Variants in NOP16 observed in about 807,000 individuals in gnomAD.
NOP16 encodes the protein nucleolar protein 16.
In NOP16, 14 loss-of-function variants were observed where a neutral mutation model predicts 22.7. The observed-to-expected ratio is 0.62, with a 90% CI of 0.41 to 0.97. The LOEUF (loss-of-function observed/expected upper bound fraction) is 0.97, where lower values mean the gene tolerates loss of function less well. Ranked by LOEUF, NOP16 falls within the 50% of genes least tolerant of loss-of-function variation. NOP16 has a pLI of 0.00. For synonymous variants in NOP16, 80 were observed against 83.6 expected (o/e 0.96, Z 0.23); for missense variants, 198 against 235.9 (o/e 0.84, Z 1.05).
rs753204257 is a variant in NOP16, at chr5:176,384,048, G to A, written c.*183C>T. ...TGAACCCCCAGATGAATATAAATTG[G>A]AGCCTCTGAGAACAGTTCCTTCCCC... On this transcript the variant is annotated 3_prime_UTR_variant, in exon 5 of 5. Coordinates refer to ENST00000614830, the MANE Select transcript of NOP16 (RefSeq NM_016391.8). The A allele has an allele frequency of 6.3e-5, 97 of 1,549,032 alleles. No homozygotes were observed. Among genetic ancestry groups the A allele is most frequent in the Admixed American group, 1.7e-4 (9 of 51,994 alleles).
intron 4 of NOP16, chr5:176,384,590 C>T (rs1453157513): frequency 5.2e-6 from 3 of 573,606 alleles, no homozygotes; most frequent in Non-Finnish European, 9.2e-6. Context: ...AGTTCCAGGC[C>T]ACCCTGGGCA....
intron 3 of NOP16, 55 bp from the exon 4 acceptor site, chr5:176,385,382 C>T (rs1755760187): frequency 2.8e-6 from 3 of 1,083,266 alleles, no homozygotes; most frequent in Middle Eastern, 4.2e-4. Context: ...TTTCTGTGCT[C>T]TTTGAGCTGT....
At chr5:176,387,236 T>C (rs1755933936) in intron 2 of NOP16, among the ~76,000 whole-genome samples, 1 of 151,796 alleles carries the variant, frequency 6.6e-6, no homozygotes, top group South Asian at 2.1e-4. Context: ...TGCGCCACCA[T>C]GCCCAGCTAA....
At chr5:176,384,726 C>T (rs1755697011) in intron 4 of NOP16, 2 of 367,248 alleles carry the variant, frequency 5.4e-6, no homozygotes, top group South Asian at 4.5e-5. Flanking sequence ...GCCATGATCA[C>T]ACCACTGAAC....
intron 4 of NOP16, 176 bp from the exon 5 acceptor site, chr5:176,384,550 G>A: frequency 3.1e-6 from 2 of 636,722 alleles, no homozygotes; most frequent in Non-Finnish European, 5.3e-6. Context: ...ACTCTGGGAG[G>A]CCGAGGTGGG....
chr5:176,388,308 G>A lies in NOP16; in HGVS notation c.143C>T (p.Ser48Leu). ...HIRHAWDHAK[S>L]VRQNLAEMGL... The stretch of plus-strand genomic sequence containing the variant: ...CATCTCGGCCAGGTTCTGCCGTACC[G>A]ATTTAGCGTGGTCCCAGGCATGTCG... The change falls in exon 2 of 5, where the codon TCG (serine) becomes TTG (leucine). Residue 48 changes from serine to leucine, a missense_variant. By Grantham distance (145) the Ser-to-Leu change is moderately radical (BLOSUM62 -2). Transcript: ENST00000614830. The A allele has an allele frequency of 1.2e-6, 2 of 1,614,206 alleles. No homozygotes were observed. Among genetic ancestry groups the A allele is most frequent in the South Asian group, 1.1e-5 (1 of 91,082 alleles).
intron 3 of NOP16, chr5:176,386,534 T>G: frequency 2.3e-6 from 1 of 431,474 alleles, no homozygotes; most frequent in Non-Finnish European, 4.4e-6. Context: ...CAGTTCATCC[T>G]TAAATTCATG....
chr5:176,386,767 G>C (rs1167351823), intron 3 of NOP16, 73 bp downstream of exon 3: 2 of 1,317,716 alleles, frequency 1.5e-6, no homozygotes, highest in East Asian at 4.6e-5. Context: ...GCAAAATGAG[G>C]ACATCTTAGG....
rs753195141 is a variant in NOP16, at chr5:176,383,958, G to T, written c.*273C>A. 26 of 1,497,296 alleles carry T rather than the reference G, an allele frequency of 1.7e-5. No homozygotes were observed. The South Asian group carries it at 2.4e-4, about 14-fold the overall frequency. 92.8% of individuals were successfully genotyped at this position (1,497,296 alleles called of 1,614,324 possible). Reference sequence around the variant, plus strand: ...ATCATCAGAGAAGTAAAATATATTTGCTTTATTATGTACACACTATATTTA... The same window carrying T: ...ATCATCAGAGAAGTAAAATATATTTTCTTTATTATGTACACACTATATTTA... On this transcript the variant is annotated 3_prime_UTR_variant, in exon 5 of 5. Transcript: ENST00000614830.
Position 176,388,569 on chromosome 5 carries a change from C to G in NOP16, c.-30G>C. 6.4e-7 allele frequency: 1 copy of G among 1,573,916 alleles called. No individual in the cohort carries two copies. The highest frequency in any genetic ancestry group is 8.7e-7 in the Non-Finnish European group (1 of 1,146,654). ...CTGACCACCGCACCAGCAGCTCAAA[C>G]ACGCTGCCTCTGTCTCTCAGACCTC... On this transcript the variant is annotated 5_prime_UTR_variant, in exon 1 of 5. Coordinates refer to ENST00000614830, the MANE Select transcript of NOP16 (RefSeq NM_016391.8).
rs747142390 is a variant in NOP16, at chr5:176,385,159, G to GA, written c.393+61dup. ...TCAGGAAACAGGTGCTGCGCAAGCA[G>GA]ATCAAGCCGCGAATGGTCCAGGGCG... On this transcript the variant is annotated intron_variant, in intron 4 of 4. Coordinates refer to ENST00000614830, the MANE Select transcript of NOP16 (RefSeq NM_016391.8). 7.4e-5 allele frequency: 68 copies of GA among 912,898 alleles called. No individual in the cohort carries two copies. In the African/African-American group the frequency reaches 8.6e-4, roughly 12 times the overall value. 56.5% of individuals were successfully genotyped at this position (912,898 alleles called of 1,614,324 possible).
chr5:176,386,684 C>G (rs185917639), intron 3 of NOP16, 156 bp downstream of exon 3: 53 of 737,914 alleles, frequency 7.2e-5, no homozygotes, highest in African/African-American at 6.7e-4. Flanking sequence ...AATGAGCCAG[C>G]CAGGACACAG....
Position 176,383,951 on chromosome 5 carries a change from T to C in NOP16, c.*280A>G, listed in dbSNP as rs1025215430. ...ATACAAAATCATCAGAGAAGTAAAA[T>C]ATATTTGCTTTATTATGTACACACT... On this transcript the variant is annotated 3_prime_UTR_variant, in exon 5 of 5. Coordinates refer to ENST00000614830, the MANE Select transcript of NOP16 (RefSeq NM_016391.8). 1 of 1,489,114 alleles carries C rather than the reference T, an allele frequency of 6.7e-7. No homozygotes were observed. The highest frequency in any genetic ancestry group is 1.4e-5 in the African/African-American group (1 of 70,726). The allele number at this position is 1,489,114 out of a possible 1,614,324, so 92.2% of individuals were successfully genotyped here. A position where few individuals can be genotyped will look rare whatever the true frequency, so the allele number is the denominator to read the frequency against.
chr5:176,387,079 T>C, intron 2 of NOP16, 170 bp from the exon 3 acceptor site: 1 of 303,352 alleles, frequency 3.3e-6, no homozygotes, highest in East Asian at 5.9e-5. Flanking sequence ...TCTCTCTCTC[T>C]TTTTTTTTTT....
rs1244571603 is a variant in NOP16 at position 176,388,577 on chromosome 5, CTCTG to C, written c.-42_-39del. The C allele has an allele frequency of 6.4e-7, 1 of 1,560,192 alleles. No individual in the cohort carries two copies. The highest frequency in any genetic ancestry group is 1.4e-5 in the African/African-American group (1 of 74,034). On this transcript the variant is annotated 5_prime_UTR_variant, in exon 1 of 5. Transcript: ENST00000614830. ...CGCACCAGCAGCTCAAACACGCTGC[CTCTG>C]TCTCTCAGACCTCGTGTAACAAACT...
chr5:176,386,890 T>G lies in NOP16; in HGVS notation c.236A>C (p.Asp79Ala). The G allele has an allele frequency of 6.2e-7, 1 of 1,614,094 alleles. No individual in the cohort carries two copies. The highest frequency in any genetic ancestry group is 8.5e-7 in the Non-Finnish European group (1 of 1,179,972). Residue 79 changes from aspartate to alanine, a missense_variant, in exon 3 of 5, where the codon GAC becomes GCC. By Grantham distance (126) the Asp-to-Ala change is moderately radical. Coordinates refer to ENST00000614830, the MANE Select transcript of NOP16 (RefSeq NM_016391.8). ...AAGCTCTTTAGGCCTCTCCTCTATGTCCACCTCCATGGCCTTCACCTGCAG... is the reference window on the plus strand; with the variant it reads ...AAGCTCTTTAGGCCTCTCCTCTATGGCCACCTCCATGGCCTTCACCTGCAG... ...RKRKVKAMEV[D>A]IEERPKELVR...
chr5:176,388,289 G>C lies in NOP16; in HGVS notation c.162C>G (p.Ala54=). Residue 54 remains alanine, a synonymous_variant, in exon 2 of 5, where the codon GCC becomes GCG. Coordinates refer to ENST00000614830, the MANE Select transcript of NOP16 (RefSeq NM_016391.8). ...DHAKSVRQNL[A]EMGLAVDPNR... The stretch of plus-strand genomic sequence containing the variant: ...TGGGGTCCACAGCCAACCCCATCTC[G>C]GCCAGGTTCTGCCGTACCGATTTAG... 6.2e-7 allele frequency: 1 copy of C among 1,614,140 alleles called. No individual in the cohort carries two copies. The highest frequency in any genetic ancestry group is 8.5e-7 in the Non-Finnish European group (1 of 1,180,018).
chr5:176,384,835 C>T, intron 4 of NOP16: 1 of 459,704 alleles, frequency 2.2e-6, no homozygotes, highest in East Asian at 3.6e-5. Context: ...AGCTGAGGAG[C>T]TCATGACCCA....
At chr5:176,386,177 C>T (rs1339208636) in intron 3 of NOP16, 1 of 155,538 alleles carries the variant, frequency 6.4e-6, no homozygotes, top group Admixed American at 6.3e-5. Context: ...TGTTTTTTAA[C>T]CACATTTTAA....
Sources: allele counts gnomAD v4.1 joint callset (sites outside exome capture counted in the v4.1 genomes callset), GRCh38; gene constraint gnomAD v4.1.1; transcripts MANE v1.5; gene names NCBI Gene and HGNC (gene_info 2026-07-23, HGNC 2026-07-21).